KIF26B: variants seen among roughly 807,000 people sequenced by gnomAD.
KIF26B encodes kinesin family member 26B.
Under a neutral mutation model 151.2 loss-of-function variants are expected in KIF26B, and 63 were observed. The observed-to-expected ratio is 0.42, with a 90% confidence interval of 0.34 to 0.51. KIF26B has a LOEUF of 0.51. Ranked by LOEUF, KIF26B falls within the 20% of genes least tolerant of loss-of-function variation. KIF26B has a pLI of 0.07. For missense variants in KIF26B, 2,813 were observed against 2,913.6 expected, an observed-to-expected ratio of 0.97 and a Z score of 0.79; for synonymous variants, 1,357 against 1,262.1, an observed-to-expected ratio of 1.08 and a Z score of -1.59.
chr1:245,392,570 G>A (rs1219725607), intron 3 of KIF26B, among the ~76,000 whole-genome samples: 1 of 152,138 alleles, frequency 6.6e-6, no homozygotes, highest in Non-Finnish European at 1.5e-5. Context: ...TAGAGCTTCT[G>A]ATGTTGCTGT....
intron 3 of KIF26B, among the ~76,000 whole-genome samples, chr1:245,390,943 A>AACAAAACAAAACAAAAC (rs1553270125): frequency 0.017 from 2,071 of 118,460 alleles, 249 homozygotes; most frequent in African/African-American, 0.071. Context: ...AAAAAAAAAA[A>AACAAAACAAAACAAAAC]AAAAAAAAAC....
chr1:245,283,761 C>T (rs1671110093), intron 2 of KIF26B, among the ~76,000 whole-genome samples: 1 of 148,186 alleles, frequency 6.7e-6, no homozygotes. Context: ...AATCTTGGTT[C>T]ACTGCAACTT....
chr1:245,321,498 A>G (rs1365031084), intron 2 of KIF26B, among the ~76,000 whole-genome samples: 1 of 152,230 alleles, frequency 6.6e-6, no homozygotes, highest in Non-Finnish European at 1.5e-5. Flanking sequence ...GTTGTCATCT[A>G]CCAAGAATTT....
chr1:245,262,043 G>A (rs76013652), intron 2 of KIF26B, among the ~76,000 whole-genome samples: 4 of 152,096 alleles, frequency 2.6e-5, no homozygotes, highest in Non-Finnish European at 4.4e-5. Context: ...CAAATATCCT[G>A]TCTGCACTGA....
intron 4 of KIF26B, among the ~76,000 whole-genome samples, chr1:245,532,253 T>C (rs112987728): frequency 3.1e-5 from 4 of 130,178 alleles, no homozygotes; most frequent in South Asian, 2.3e-4. Flanking sequence ...CTTTTCTTTT[T>C]TTTTTTTTTT....
In KIF26B at chr1:245,339,540, T is replaced by C. The variant is rs187786634; in HGVS notation, c.466-27294T>C. ...ATTGTAGATTCCTATGGGTAAAATA[T>C]GTATATTATCATAAAATAGGTACTA... On this transcript the variant is annotated intron_variant, in intron 2 of 14. Coordinates refer to ENST00000407071, the MANE Select transcript of KIF26B (RefSeq NM_018012.4). Among the ~76,000 whole-genome samples, 868 of 152,340 alleles carry C rather than the reference T, an allele frequency of 5.7e-3. 24 individuals carry two copies. The highest frequency in any genetic ancestry group is 0.047 in the Admixed American group (716 of 15,312).
chr1:245,577,914 A>G (rs937154028), intron 5 of KIF26B, among the ~76,000 whole-genome samples: 5 of 143,616 alleles, frequency 3.5e-5, no homozygotes, highest in Non-Finnish European at 7.5e-5. Flanking sequence ...TGCTTCCCCT[A>G]CAAGGAAGAG....
intron 2 of KIF26B, among the ~76,000 whole-genome samples, chr1:245,292,423 C>T (rs539172121): frequency 2.0e-4 from 31 of 152,196 alleles, no homozygotes; most frequent in South Asian, 6.2e-4. Context: ...TCAGTGTCGC[C>T]GTGTAAGTCC....
chr1:245,466,573 C>T (rs1372721552), intron 4 of KIF26B, among the ~76,000 whole-genome samples: 1 of 152,184 alleles, frequency 6.6e-6, no homozygotes, highest in Non-Finnish European at 1.5e-5. Context: ...TGTGGGCAGA[C>T]AGTTGTGAGG....
chr1:245,569,023 C>T (rs1028949083), intron 5 of KIF26B, among the ~76,000 whole-genome samples: 4 of 152,120 alleles, frequency 2.6e-5, no homozygotes, highest in East Asian at 1.9e-4. Context: ...TCACTGGGCT[C>T]AGATGAGAAA....
At chr1:245,451,767 T>G (rs1443774612) in intron 4 of KIF26B, among the ~76,000 whole-genome samples, 1 of 151,886 alleles carries the variant, frequency 6.6e-6, no homozygotes, top group East Asian at 1.9e-4. Context: ...GACCAGCTAA[T>G]TTTTGTATTT....
chr1:245,526,628 C>T (rs1171766900), intron 4 of KIF26B, among the ~76,000 whole-genome samples: 1 of 152,222 alleles, frequency 6.6e-6, no homozygotes, highest in Non-Finnish European at 1.5e-5. Context: ...CGCCCCCAAA[C>T]CACAGAGCAT....
chr1:245,346,595 G>A (rs1054215092), intron 2 of KIF26B, among the ~76,000 whole-genome samples: 3 of 152,028 alleles, frequency 2.0e-5, no homozygotes, highest in Non-Finnish European at 4.4e-5. Flanking sequence ...ACAATCCTTC[G>A]GTACTCTGGC....
At chr1:245,343,923 C>T (rs2102997075) in intron 2 of KIF26B, among the ~76,000 whole-genome samples, 1 of 152,316 alleles carries the variant, frequency 6.6e-6, no homozygotes, top group Non-Finnish European at 1.5e-5. Flanking sequence ...ACTTCCTACA[C>T]ATCCAGTCCT....
At chr1:245,300,649 C>T (rs1471489042) in intron 2 of KIF26B, among the ~76,000 whole-genome samples, 1 of 150,926 alleles carries the variant, frequency 6.6e-6, no homozygotes, top group Non-Finnish European at 1.5e-5. Context: ...CTGCCTCAGC[C>T]TCCTGAGTAG....
intron 2 of KIF26B, among the ~76,000 whole-genome samples, chr1:245,210,112 C>G (rs1268921123): frequency 6.6e-6 from 1 of 152,236 alleles, no homozygotes. Context: ...GATACAGGCT[C>G]CACCCCTCTG....
rs112562256 is a variant in KIF26B, at chr1:245,253,753, A to T, written c.465+97070A>T. Among the ~76,000 whole-genome samples the T allele has an allele frequency of 3.9e-3, 582 of 150,118 alleles. 6 individuals are homozygous for T. The highest frequency in any genetic ancestry group is 0.013 in the African/African-American group (551 of 41,064). ...TTTATTCTTAAATTATATATAGATT[A>T]AAAAATTTTGTTTTAAATTTTCCTG... On this transcript the variant is annotated intron_variant, in intron 2 of 14. Coordinates refer to ENST00000407071, the MANE Select transcript of KIF26B (RefSeq NM_018012.4).
At chr1:245,536,288 C>T (rs1388424430) in intron 4 of KIF26B, among the ~76,000 whole-genome samples, 1 of 152,110 alleles carries the variant, frequency 6.6e-6, no homozygotes, top group Admixed American at 6.6e-5. Flanking sequence ...TTAAAGAGAG[C>T]TTTCTTGAAA....
rs138561722 is a variant in KIF26B, at chr1:245,499,211, T to C, written c.1167-41556T>C. ...TCAATGTCCTTAGCGTTGACTCATA[T>C]TAAAAATGTTAAGAGAACACTAGAA... is the stretch of plus-strand genomic sequence containing the variant. On this transcript the variant is annotated intron_variant, in intron 4 of 14. Coordinates refer to ENST00000407071, the MANE Select transcript of KIF26B (RefSeq NM_018012.4). 1.2e-3 allele frequency among the ~76,000 whole-genome samples: 177 copies of C among 152,264 alleles called. 2 individuals carry two copies. Among genetic ancestry groups the C allele is most frequent in the African/African-American group, 3.7e-3 (153 of 41,554 alleles).
Sources: allele counts gnomAD v4.1 joint callset (sites outside exome capture counted in the v4.1 genomes callset), GRCh38; gene constraint gnomAD v4.1.1; transcripts MANE v1.5; gene names NCBI Gene and HGNC (gene_info 2026-07-23, HGNC 2026-07-21).